Variants in DGKH observed in about 807,000 individuals in gnomAD.
DGKH encodes the protein diacylglycerol kinase eta.
DGKH carries 90 observed loss-of-function variants against 159.3 expected under a neutral mutation model. The ratio of observed to expected loss-of-function variants is 0.57; its 90% confidence interval spans 0.48 to 0.67. The LOEUF (loss-of-function observed/expected upper bound fraction) is 0.67, where lower values mean the gene tolerates loss of function less well. Among genes scored for constraint, DGKH ranks in the 30% least tolerant of loss-of-function variants. DGKH has a pLI of 0.00. For missense variants in DGKH, 1,181 were observed against 1,506.1 expected (o/e 0.78, Z 3.57); for synonymous variants, 536 against 553.8 (o/e 0.97, Z 0.45).
chr13:42,182,638 A>G (rs1250563901), intron 13 of DGKH, among the ~76,000 whole-genome samples: 2 of 152,226 alleles, frequency 1.3e-5, no homozygotes, highest in East Asian at 3.8e-4. Context: ...TATTCAGTGT[A>G]GACAAAACAA....
intron 29 of DGKH, among the ~76,000 whole-genome samples, chr13:42,223,704 T>C (rs1958045282): frequency 6.6e-6 from 1 of 151,794 alleles, no homozygotes; most frequent in Non-Finnish European, 1.5e-5. Flanking sequence ...GAGGTTGCAG[T>C]GAGCCGAGAT....
intron 20 of DGKH, among the ~76,000 whole-genome samples, chr13:42,200,972 G>A (rs1364253465): frequency 6.9e-6 from 1 of 145,794 alleles, no homozygotes; most frequent in Admixed American, 7.0e-5. Flanking sequence ...TACCCCGGTT[G>A]GCCACATTCT....
intron 29 of DGKH, among the ~76,000 whole-genome samples, chr13:42,222,716 G>A (rs931924836): frequency 6.6e-6 from 1 of 152,088 alleles, no homozygotes; most frequent in Non-Finnish European, 1.5e-5. Flanking sequence ...CATGATACCT[G>A]TCCTCTAGAA....
chr13:42,222,970 C>T (rs1958022567), intron 29 of DGKH, among the ~76,000 whole-genome samples: 1 of 152,044 alleles, frequency 6.6e-6, no homozygotes, highest in Non-Finnish European at 1.5e-5. Flanking sequence ...TCTTAGAAAA[C>T]GTTCTTTTTG....
At position 42,217,752 on chromosome 13, in the gene DGKH, G is replaced by A. The variant is rs149305751; in HGVS notation, c.3214-1478G>A. On this transcript the variant is annotated intron_variant, in intron 26 of 29. Transcript: ENST00000337343. Reference sequence around the variant, plus strand: ...AAGAGACCTCAAAAATAATCTAGTCGGCCAGGCTCAGTGGCTCACGCCTGT... The same window carrying A: ...AAGAGACCTCAAAAATAATCTAGTCAGCCAGGCTCAGTGGCTCACGCCTGT... Among the ~76,000 whole-genome samples the A allele has an allele frequency of 1.9e-3, 295 of 152,044 alleles. 2 individuals carry two copies. Among genetic ancestry groups the A allele is most frequent in the Middle Eastern group, 6.8e-3 (2 of 294 alleles).
chr13:42,054,029 G>T (rs563996791), intron 1 of DGKH, among the ~76,000 whole-genome samples: 1 of 152,230 alleles, frequency 6.6e-6, no homozygotes, highest in South Asian at 2.1e-4. Context: ...TTCCTTTATG[G>T]TAAGGCAGTA....
chr13:42,097,406 T>C (rs147254666), intron 1 of DGKH, among the ~76,000 whole-genome samples: 123 of 152,280 alleles, frequency 8.1e-4, no homozygotes, highest in East Asian at 3.3e-3. Flanking sequence ...GTTGGTTCAG[T>C]GGGGGGACTT....
At chr13:42,136,921 A>G (rs1047720891) in intron 3 of DGKH, among the ~76,000 whole-genome samples, 4 of 152,234 alleles carry the variant, frequency 2.6e-5, no homozygotes, top group Non-Finnish European at 5.9e-5. Flanking sequence ...AAAGGTCTAC[A>G]TAAAAAGACA....
chr13:42,166,192 A>G (rs10467371), intron 8 of DGKH, among the ~76,000 whole-genome samples: 19,651 of 152,092 alleles, frequency 0.13, 1,492 homozygotes, highest in South Asian at 0.18. Flanking sequence ...ACCTCAAAAT[A>G]TGTGACTTTT....
intron 1 of DGKH, among the ~76,000 whole-genome samples, chr13:42,076,590 G>T (rs1954105527): frequency 6.6e-6 from 1 of 152,020 alleles, no homozygotes; most frequent in Non-Finnish European, 1.5e-5. Context: ...TCAAGTTTAG[G>T]TTAACCCCTT....
intron 1 of DGKH, among the ~76,000 whole-genome samples, chr13:42,089,903 A>T (rs1954382802): frequency 6.9e-6 from 1 of 145,012 alleles, no homozygotes; most frequent in Non-Finnish European, 1.5e-5. Context: ...AATCATGTCA[A>T]ATATATTCTC....
Position 42,150,754 on chromosome 13 carries a change from TA to T in DGKH, c.385-4536del, listed in dbSNP as rs199956830. Among the ~76,000 whole-genome samples the T allele has an allele frequency of 8.6e-3, 1,315 of 152,320 alleles. 12 individuals carry two copies. Among genetic ancestry groups the T allele is most frequent in the African/African-American group, 0.029 (1,192 of 41,542 alleles). ...TTATTACAATATCAAAATTTGTAAT[TA>T]TTTTTTTTATGGGTGTGGTAGGCTG... On this transcript the variant is annotated intron_variant, in intron 3 of 29. Coordinates refer to ENST00000337343, the MANE Select transcript of DGKH (RefSeq NM_178009.5).
intron 1 of DGKH, among the ~76,000 whole-genome samples, chr13:42,121,068 C>CACACACACACACAA (rs1425543989): frequency 6.2e-5 from 8 of 128,800 alleles, no homozygotes; most frequent in Non-Finnish European, 1.3e-4. Context: ...ATATATTATA[C>CACACACACACACAA]ACACACACAC....
intron 11 of DGKH, among the ~76,000 whole-genome samples, chr13:42,169,523 C>T (rs1384111220): frequency 1.3e-5 from 2 of 152,122 alleles, no homozygotes; most frequent in Non-Finnish European, 2.9e-5. Context: ...AGTAACCAGC[C>T]ACTCCCCAAC....
chr13:42,107,149 G>A (rs1436894088), intron 1 of DGKH, among the ~76,000 whole-genome samples: 3 of 152,270 alleles, frequency 2.0e-5, no homozygotes, highest in African/African-American at 7.2e-5. Flanking sequence ...AATTGCAAAT[G>A]AGTGAGCTCT....
rs953955751 is a variant in DGKH at position 42,237,142 on chromosome 13, C to T, written c.*7954C>T. 9 of 152,014 alleles carry T rather than the reference C, an allele frequency of 5.9e-5. No individual in the cohort carries two copies. The highest frequency in any genetic ancestry group is 1.7e-4 in the African/African-American group (7 of 41,384). 9.4% of individuals were successfully genotyped at this position (152,014 alleles called of 1,614,324 possible). A position where few individuals can be genotyped will look rare whatever the true frequency, so the allele number is the denominator to read the frequency against. Reference sequence around the variant, plus strand: ...ATTTAAAACATAATGGCACAACATACGACACAGAATAAAACACATGTTTTC... The same window carrying T: ...ATTTAAAACATAATGGCACAACATATGACACAGAATAAAACACATGTTTTC... On this transcript the variant is annotated 3_prime_UTR_variant, in exon 30 of 30. Transcript: ENST00000337343.
chr13:42,170,199 G>A (rs1444001919), intron 11 of DGKH, among the ~76,000 whole-genome samples: 2 of 152,172 alleles, frequency 1.3e-5, no homozygotes, highest in African/African-American at 2.4e-5. Flanking sequence ...CACTTCCCCT[G>A]CTGTTAGGCA....
intron 1 of DGKH, among the ~76,000 whole-genome samples, chr13:42,059,340 C>T (rs1881979463): frequency 6.6e-6 from 1 of 151,796 alleles, no homozygotes; most frequent in African/African-American, 2.4e-5. Context: ...GCCTCTGCCT[C>T]TGGGGTTTAA....
At chr13:42,196,197 T>C (rs57753179) in intron 17 of DGKH, among the ~76,000 whole-genome samples, 18,147 of 152,166 alleles carry the variant, frequency 0.12, 1,539 homozygotes, top group East Asian at 0.4. Flanking sequence ...CATGCATTGG[T>C]GGTAGGAATG....
Sources: allele counts gnomAD v4.1 joint callset (sites outside exome capture counted in the v4.1 genomes callset), GRCh38; gene constraint gnomAD v4.1.1; transcripts MANE v1.5; gene names NCBI Gene and HGNC (gene_info 2026-07-23, HGNC 2026-07-21).